Variants in RGS6 observed in about 807,000 individuals in gnomAD.
RGS6 encodes regulator of G protein signaling 6, also known as regulator of G-protein signaling 6.
A neutral mutation model predicts 78.5 loss-of-function variants in RGS6; 30 were observed. That is an observed-to-expected ratio of 0.38 (90% confidence interval 0.29 to 0.52). The LOEUF is 0.52. Ranked by LOEUF, RGS6 falls within the 20% of genes least tolerant of loss-of-function variation. RGS6 has a pLI of 0.85. For synonymous variants in RGS6, 206 were observed against 206.0 expected (o/e 1.00, Z 0.00); for missense variants, 495 against 609.7 (o/e 0.81, Z 1.98).
At chr14:71,922,699 C>A in the RGS6 span, among the ~76,000 whole-genome samples, 1 of 152,142 alleles carries the variant, frequency 6.6e-6, no homozygotes, top group Non-Finnish European at 1.5e-5. Context: ...ATCATATCTC[C>A]TTAGTCTCCT....
chr14:71,921,567 T>C, the RGS6 span, among the ~76,000 whole-genome samples: 1 of 152,316 alleles, frequency 6.6e-6, no homozygotes, highest in Admixed American at 6.5e-5. Flanking sequence ...GTGGACAATG[T>C]GGATGACCCT....
chr14:72,450,732 G>A (rs2095472814), intron 3 of RGS6, among the ~76,000 whole-genome samples: 1 of 152,170 alleles, frequency 6.6e-6, no homozygotes, highest in African/African-American at 2.4e-5. Flanking sequence ...AAAGGAATCC[G>A]CTTCAAATTC....
At chr14:72,245,579 C>G (rs1369612484) in intron 2 of RGS6, among the ~76,000 whole-genome samples, 1 of 152,240 alleles carries the variant, frequency 6.6e-6, no homozygotes, top group Non-Finnish European at 1.5e-5. Flanking sequence ...CTGGGCGGGC[C>G]AGGTGTTCCT....
intron 2 of RGS6, among the ~76,000 whole-genome samples, chr14:72,055,836 A>G (rs749564102): frequency 2.0e-5 from 3 of 152,214 alleles, no homozygotes; most frequent in Non-Finnish European, 4.4e-5. Context: ...TCTTGCCTCT[A>G]ATTTCTAGCT....
At chr14:72,532,625 T>G (rs1200946754) in intron 15 of RGS6, among the ~76,000 whole-genome samples, 1 of 152,240 alleles carries the variant, frequency 6.6e-6, no homozygotes, top group African/African-American at 2.4e-5. Flanking sequence ...AAAAGTTTAT[T>G]GAAGATTGAA....
chr14:72,535,392 T>G (rs1422661862), intron 15 of RGS6, among the ~76,000 whole-genome samples: 4 of 152,174 alleles, frequency 2.6e-5, no homozygotes, highest in African/African-American at 7.2e-5. Flanking sequence ...TTTTTTAAAT[T>G]AAACTTTTTA....
intron 2 of RGS6, among the ~76,000 whole-genome samples, chr14:72,274,249 C>T (rs2060349979): frequency 6.6e-6 from 1 of 152,218 alleles, no homozygotes; most frequent in Non-Finnish European, 1.5e-5. Flanking sequence ...GCTTTCCCCT[C>T]TGAGCTCAAA....
chr14:72,057,405 T>C (rs557184162), intron 2 of RGS6, among the ~76,000 whole-genome samples: 22 of 151,872 alleles, frequency 1.4e-4, no homozygotes, highest in Non-Finnish European at 2.4e-4. Flanking sequence ...TATTCCAGTT[T>C]GTATCTGTAG....
chr14:72,512,863 G>A (rs1423721569), intron 14 of RGS6, among the ~76,000 whole-genome samples: 9 of 152,210 alleles, frequency 5.9e-5, no homozygotes, highest in African/African-American at 2.2e-4. Flanking sequence ...CGTGGCACAG[G>A]GCTGGCGGAT....
In RGS6 at chr14:72,220,521, A is replaced by C. The variant is rs540110695; in HGVS notation, c.85-131574A>C. Among the ~76,000 whole-genome samples, 28 of 152,288 alleles carry C rather than the reference A, an allele frequency of 1.8e-4. 2 individuals are homozygous for C. In the South Asian group the frequency reaches 2.5e-3, roughly 14 times the overall value. ...AGTTTGAAGGCATGTGGAGCAAAAC[A>C]TTTCCGTAAATATTGGCTTTGGTTA... On this transcript the variant is annotated intron_variant, in intron 2 of 17. Coordinates refer to ENST00000553525, the MANE Select transcript of RGS6 (RefSeq NM_001204424.2).
the RGS6 span, among the ~76,000 whole-genome samples, chr14:72,605,365 G>A: frequency 9.8e-5 from 15 of 152,378 alleles, no homozygotes; most frequent in East Asian, 9.6e-4. Context: ...GCGCTTGCAC[G>A]CAGAGGAGAG....
At chr14:72,128,899 G>GT (rs2096258325) in intron 2 of RGS6, among the ~76,000 whole-genome samples, 1 of 152,180 alleles carries the variant, frequency 6.6e-6, no homozygotes, top group South Asian at 2.1e-4. Context: ...GATGCCGTCA[G>GT]TACTGGTCAT....
At chr14:72,140,423 T>C (rs1386191685) in intron 2 of RGS6, among the ~76,000 whole-genome samples, 3 of 152,178 alleles carry the variant, frequency 2.0e-5, no homozygotes, top group Non-Finnish European at 4.4e-5. Flanking sequence ...GCCATTGAGA[T>C]GGAATTGACA....
chr14:72,081,131 A>G (rs2094804591), intron 2 of RGS6, among the ~76,000 whole-genome samples: 1 of 152,128 alleles, frequency 6.6e-6, no homozygotes, highest in Non-Finnish European at 1.5e-5. Context: ...AATGTTAATT[A>G]TTCCAGTCCA....
At chr14:72,418,964 C>G (rs2094004995) in intron 3 of RGS6, among the ~76,000 whole-genome samples, 1 of 152,200 alleles carries the variant, frequency 6.6e-6, no homozygotes, top group South Asian at 2.1e-4. Context: ...TTTCCATGCA[C>G]TAAAGGCTTT....
intron 13 of RGS6, among the ~76,000 whole-genome samples, chr14:72,495,501 C>A (rs1480895103): frequency 1.3e-5 from 2 of 152,064 alleles, no homozygotes; most frequent in Non-Finnish European, 2.9e-5. Context: ...TGAGACAGTC[C>A]CTCACCATTC....
intron 2 of RGS6, among the ~76,000 whole-genome samples, chr14:72,247,907 T>A (rs902764207): frequency 1.3e-5 from 2 of 152,172 alleles, no homozygotes; most frequent in East Asian, 3.8e-4. Flanking sequence ...TCCAGAACTA[T>A]AAGAAATAAA....
intron 2 of RGS6, among the ~76,000 whole-genome samples, chr14:72,106,609 C>A (rs1003985055): frequency 6.6e-6 from 1 of 152,200 alleles, no homozygotes; most frequent in African/African-American, 2.4e-5. Flanking sequence ...AGTAATTACT[C>A]CCTTGCCTTT....
chr14:72,445,533 C>T (rs2095342513), intron 3 of RGS6, among the ~76,000 whole-genome samples: 1 of 151,020 alleles, frequency 6.6e-6, no homozygotes, highest in Non-Finnish European at 1.5e-5. Flanking sequence ...TGAACCTTTC[C>T]TCTAAGGCAG....
Sources: allele counts gnomAD v4.1 joint callset (sites outside exome capture counted in the v4.1 genomes callset), GRCh38; gene constraint gnomAD v4.1.1; transcripts MANE v1.5; gene names NCBI Gene and HGNC (gene_info 2026-07-23, HGNC 2026-07-21).